Variants in APH1A observed in about 807,000 individuals in gnomAD.
APH1A encodes aph-1A gamma-secretase subunit.
A neutral mutation model predicts 30.3 loss-of-function variants in APH1A; 16 were observed. The ratio of observed to expected loss-of-function variants is 0.53; its 90% CI spans 0.36 to 0.80. APH1A has a LOEUF of 0.80. Among genes scored for constraint, APH1A ranks in the 30% least tolerant of loss-of-function variants. The pLI, the probability that APH1A is intolerant of heterozygous loss-of-function variation, is 0.01. For missense variants in APH1A, 245 were observed against 337.8 expected (o/e 0.73, Z 2.15); for synonymous variants, 144 against 140.1 (o/e 1.03, Z -0.20).
chr1:150,267,646 G>C lies in APH1A; in HGVS notation c.358+70C>G, dbSNP rs587710793. ...AGTAAGAAGCCACTTAGAACATGTGGATATTTAGAGACTTCCCTAGAGGAG... is the reference window on the plus strand; with the variant it reads ...AGTAAGAAGCCACTTAGAACATGTGCATATTTAGAGACTTCCCTAGAGGAG... On this transcript the variant is annotated intron_variant, in intron 3 of 6. Coordinates refer to ENST00000369109, the MANE Select transcript of APH1A (RefSeq NM_001077628.3). 3.1e-4 allele frequency: 488 copies of C among 1,577,176 alleles called. 3 individuals carry two copies. Among genetic ancestry groups the C allele is most frequent in the Admixed American group, 2.9e-3 (160 of 55,100 alleles).
chr1:150,267,055 G>A lies in APH1A; in HGVS notation c.609+20C>T. ...ATTAAATGCTTTTCTCCCTAACTCA[G>A]GCCCCTGTCTCCAACTCACCAGTCC... is the stretch of plus-strand genomic sequence containing the variant. On this transcript the variant is annotated intron_variant, in intron 5 of 6. Coordinates refer to ENST00000369109, the MANE Select transcript of APH1A (RefSeq NM_001077628.3). 6.2e-7 allele frequency: 1 copy of A among 1,613,808 alleles called. No homozygotes were observed. Among genetic ancestry groups the A allele is most frequent in the Non-Finnish European group, 8.5e-7 (1 of 1,179,878 alleles).
At position 150,265,988 on chromosome 1, in the gene APH1A, T is replaced by C. The variant is rs1056088933; in HGVS notation, c.*142A>G. Reference sequence around the variant, plus strand: ...CTCAGAGCTCATCTATCCTTGAGCCTCCATTAATTTCATCTCCAGGGCAAT... The same window carrying C: ...CTCAGAGCTCATCTATCCTTGAGCCCCCATTAATTTCATCTCCAGGGCAAT... On this transcript the variant is annotated 3_prime_UTR_variant, in exon 7 of 7. Coordinates refer to ENST00000369109, the MANE Select transcript of APH1A (RefSeq NM_001077628.3). 2.1e-6 allele frequency: 2 copies of C among 967,028 alleles called. No individual in the cohort carries two copies. Among genetic ancestry groups the C allele is most frequent in the Non-Finnish European group, 3.0e-6 (2 of 657,964 alleles). The allele number at this position is 967,028 out of a possible 1,614,324, so 59.9% of individuals were successfully genotyped here.
rs1553850336 is a variant in APH1A, at chr1:150,268,100, G to A, written c.141C>T (p.Leu47=). 3.7e-6 allele frequency: 6 copies of A among 1,614,110 alleles called. No individual in the cohort carries two copies. The highest frequency in any genetic ancestry group is 1.7e-5 in the Admixed American group (1 of 60,010). Residue 47 remains leucine, a synonymous_variant, in exon 2 of 7, where the codon CTC becomes CTT. Coordinates refer to ENST00000369109, the MANE Select transcript of APH1A (RefSeq NM_001077628.3). The stretch of plus-strand genomic sequence containing the variant: ...AGATGAACCAGACCACAGAGGCCAG[G>A]AGCAGGGAGACCAGCCAGAAAAATG... The part of the protein sequence containing the change: ...AGAFFWLVSL[L]LASVVWFILV...
chr1:150,266,455 T>C, intron 6 of APH1A, 78 bp downstream of exon 6: 2 of 1,598,912 alleles, frequency 1.3e-6, no homozygotes, highest in East Asian at 2.2e-5. Context: ...GGACCCGGGC[T>C]GGGGCTGGGC....
chr1:150,267,997 G>A lies in APH1A; in HGVS notation c.244C>T (p.Leu82=). 4 of 1,614,176 alleles carry A rather than the reference G, an allele frequency of 2.5e-6. No individual in the cohort carries two copies. Among genetic ancestry groups the A allele is most frequent in the Non-Finnish European group, 3.4e-6 (4 of 1,180,020 alleles). Residue 82 remains leucine (L), a synonymous_variant, in exon 2 of 7, where the codon CTA becomes TTA. Transcript: ENST00000369109. ...LIFGAAVSVL[L]QEVFRFAYYK... Reference sequence around the variant, plus strand: ...TAGGCAAAGCGGAACACCTCCTGTAGAAGGACAGAGACAGCAGCACCAAAA... The same window carrying A: ...TAGGCAAAGCGGAACACCTCCTGTAAAAGGACAGAGACAGCAGCACCAAAA...
intron 6 of APH1A, 119 bp from the exon 7 acceptor site, chr1:150,266,313 C>T (rs1651708000): frequency 1.3e-6 from 2 of 1,495,390 alleles, no homozygotes; most frequent in African/African-American, 2.8e-5. Flanking sequence ...GATTCAAACC[C>T]ACCAGTCACT....
At chr1:150,268,237 GT>G (rs1651907016) in intron 1 of APH1A, 110 bp from the exon 2 acceptor site, 2 of 1,300,040 alleles carry the variant, frequency 1.5e-6, no homozygotes, top group Non-Finnish European at 2.1e-6. Context: ...CTTCCGGATG[GT>G]TAGGGAGACA....
At position 150,266,135 on chromosome 1, in the gene APH1A, C is replaced by A; in HGVS notation, c.793G>T (p.Asp265Tyr). 1.3e-6 allele frequency: 2 copies of A among 1,597,312 alleles called. No individual in the cohort carries two copies. Among genetic ancestry groups the A allele is most frequent in the Admixed American group, 1.7e-5 (1 of 57,884 alleles). ...VYSALRIPPE[D>Y] ...GGGGTCCCCCCTAGGTTCCCTCAGT[C>A]CTCGGGTGGGATGCGCAGGGCAGAA... Residue 265 changes from aspartate (D) to tyrosine (Y), a missense_variant, in exon 7 of 7, where the codon GAC becomes TAC. Asp to Tyr is a radical substitution (Grantham distance 160). Transcript: ENST00000369109.
At position 150,267,660 on chromosome 1, in the gene APH1A, TC is replaced by T. The variant is rs1302555161; in HGVS notation, c.358+55del. On this transcript the variant is annotated intron_variant, in intron 3 of 6. Coordinates refer to ENST00000369109, the MANE Select transcript of APH1A (RefSeq NM_001077628.3). ...TAGAACATGTGGATATTTAGAGACT[TC>T]CCTAGAGGAGGGGGCTGTCCAACTC... The T allele has an allele frequency of 1.8e-5, 29 of 1,585,764 alleles. No homozygotes were observed. The African/African-American group carries it at 3.6e-4, about 20-fold the overall frequency.
Position 150,268,001 on chromosome 1 carries a change from GAC to G in APH1A, c.238_239del (p.Val80ProfsTer15). ...GLLIFGAAVS[V>X]LLQEVFRFAY... is the part of the protein sequence containing the mutation. ...CAAAGCGGAACACCTCCTGTAGAAG[GAC>G]AGAGACAGCAGCACCAAAAATCAGG... On this transcript the variant is annotated frameshift_variant, in exon 2 of 7. Coordinates refer to ENST00000369109, the MANE Select transcript of APH1A (RefSeq NM_001077628.3). LOFTEE classifies it high-confidence loss of function. 1 of 1,614,134 alleles carries G rather than the reference GAC, an allele frequency of 6.2e-7. No homozygotes were observed. Among genetic ancestry groups the G allele is most frequent in the Non-Finnish European group, 8.5e-7 (1 of 1,180,042 alleles).
rs1553850158 is a variant in APH1A, at chr1:150,267,437, C to G, written c.400G>C (p.Val134Leu). The G allele has an allele frequency of 3.7e-6, 6 of 1,614,154 alleles. No individual in the cohort carries two copies. Among genetic ancestry groups the G allele is most frequent in the Non-Finnish European group, 5.1e-6 (6 of 1,180,030 alleles). ...AGTGCATCAGCCAAAATATTGATAA[C>G]AGAGAAGACACCACTGATGATACCG... ...SFGIISGVFS[V>L]INILADALGP... The change falls in exon 4 of 7, where the codon GTT becomes CTT. Residue 134 changes from valine (V) to leucine (L), a missense_variant. Transcript: ENST00000369109.
chr1:150,267,540 C>T (rs1553850191), intron 3 of APH1A, 62 bp from the exon 4 acceptor site: 3 of 1,599,420 alleles, frequency 1.9e-6, no homozygotes, highest in East Asian at 4.5e-5. Context: ...CACCACTGAC[C>T]CCTCCCCATT....
In APH1A at chr1:150,267,696, G is replaced by A. The variant is rs1427736052; in HGVS notation, c.358+20C>T. On this transcript the variant is annotated intron_variant, in intron 3 of 6. Transcript: ENST00000369109. ...GGGGGCTGTCCAACTCCCTCCTCCA[G>A]TCCCTCTCCCTTGGCTCACCATAGG... The A allele has an allele frequency of 1.7e-5, 27 of 1,606,992 alleles. No individual in the cohort carries two copies. Among genetic ancestry groups the A allele is most frequent in the Non-Finnish European group, 2.1e-5 (25 of 1,176,360 alleles).
At position 150,265,973 on chromosome 1, in the gene APH1A, A is replaced by G. The variant is rs1218538267; in HGVS notation, c.*157T>C. The G allele has an allele frequency of 2.3e-6, 2 of 879,342 alleles. No individual in the cohort carries two copies. Among genetic ancestry groups the G allele is most frequent in the African/African-American group, 1.7e-5 (1 of 58,738 alleles). 54.5% of individuals were successfully genotyped at this position (879,342 alleles called of 1,614,324 possible). Reference sequence around the variant, plus strand: ...GGGAGTACTGAGAAACTCAGAGCTCATCTATCCTTGAGCCTCCATTAATTT... The same window carrying G: ...GGGAGTACTGAGAAACTCAGAGCTCGTCTATCCTTGAGCCTCCATTAATTT... On this transcript the variant is annotated 3_prime_UTR_variant, in exon 7 of 7. Coordinates refer to ENST00000369109, the MANE Select transcript of APH1A (RefSeq NM_001077628.3).
Position 150,266,004 on chromosome 1 carries a change from C to A in APH1A, c.*126G>T. On this transcript the variant is annotated 3_prime_UTR_variant, in exon 7 of 7. Coordinates refer to ENST00000369109, the MANE Select transcript of APH1A (RefSeq NM_001077628.3). Reference sequence around the variant, plus strand: ...CCTTGAGCCTCCATTAATTTCATCTCCAGGGCAATGGCTAAACTAGGTCCC... The same window carrying A: ...CCTTGAGCCTCCATTAATTTCATCTACAGGGCAATGGCTAAACTAGGTCCC... 1 of 1,149,704 alleles carries A rather than the reference C, an allele frequency of 8.7e-7. No homozygotes were observed. The highest frequency in any genetic ancestry group is 1.2e-6 in the Non-Finnish European group (1 of 821,376). 71.2% of individuals were successfully genotyped at this position (1,149,704 alleles called of 1,614,324 possible). A position where few individuals can be genotyped will look rare whatever the true frequency, so the allele number is the denominator to read the frequency against.
chr1:150,268,939 G>T lies in APH1A; in HGVS notation c.-129C>A. 1.4e-6 allele frequency: 1 copy of T among 731,442 alleles called. No homozygotes were observed. Among genetic ancestry groups the T allele is most frequent in the African/African-American group, 1.8e-5 (1 of 55,938 alleles). The allele number at this position is 731,442 out of a possible 1,614,324, so 45.3% of individuals were successfully genotyped here. ...GGGGCGCGGTGCAATGTCACCCCCA[G>T]ACCCCGGGGAAGGGGAAGGGGGGGA... On this transcript the variant is annotated 5_prime_UTR_variant, in exon 1 of 7. It adds an upstream start codon to the 5' untranslated region. Coordinates refer to ENST00000369109, the MANE Select transcript of APH1A (RefSeq NM_001077628.3).
At chr1:150,266,738 C>G (rs1651757460) in intron 5 of APH1A, 82 bp from the exon 6 acceptor site, 11 of 1,468,326 alleles carry the variant, frequency 7.5e-6, no homozygotes, top group Non-Finnish European at 1.0e-5. Context: ...CTTTCTGACT[C>G]CCAGATATCT....
chr1:150,268,666 G>A, intron 1 of APH1A, 32 bp downstream of exon 1: 2 of 1,584,358 alleles, frequency 1.3e-6, no homozygotes, highest in Non-Finnish European at 1.7e-6. Context: ...TCTCTTCGAC[G>A]CTCTCCCGCG....
Position 150,265,834 on chromosome 1 carries a change from T to C in APH1A, c.*296A>G, listed in dbSNP as rs2101846459. On this transcript the variant is annotated 3_prime_UTR_variant, in exon 7 of 7. Coordinates refer to ENST00000369109, the MANE Select transcript of APH1A (RefSeq NM_001077628.3). ...CAAGGAGGTTAGAAGAGTTCCAATATACCTCCTCCCTCCCCCCACCTCAAA... is the reference window on the plus strand; with the variant it reads ...CAAGGAGGTTAGAAGAGTTCCAATACACCTCCTCCCTCCCCCCACCTCAAA... 2.8e-6 allele frequency: 1 copy of C among 361,040 alleles called. No homozygotes were observed. The highest frequency in any genetic ancestry group is 2.1e-5 in the African/African-American group (1 of 47,930). 22.4% of individuals were successfully genotyped at this position (361,040 alleles called of 1,614,324 possible).
Sources: gnomAD v4.1 joint callset for allele counts on GRCh38, gnomAD v4.1.1 for gene constraint, MANE v1.5 for transcripts, NCBI Gene and HGNC (gene_info 2026-07-23, HGNC 2026-07-21) for gene names.